Variants in AFF3 observed in about 807,000 individuals in gnomAD.
AFF3 encodes the protein ALF transcription elongation factor 3.
A neutral mutation model predicts 129.7 loss-of-function variants in AFF3; 32 were observed. The observed-to-expected ratio is 0.25, with a 90% CI of 0.19 to 0.33. AFF3 has a LOEUF of 0.33. AFF3 is among the 10% of genes least tolerant of loss of function. The pLI, the probability that AFF3 is intolerant of heterozygous loss-of-function variation, is 1.00. For synonymous variants in AFF3, 644 were observed against 635.4 expected (o/e 1.01, Z -0.20); for missense variants, 1,373 against 1,592.0 (o/e 0.86, Z 2.34).
chr2:99,947,477 TAGAC>T (rs927059050), intron 7 of AFF3, among the ~76,000 whole-genome samples: 4 of 106,798 alleles, frequency 3.7e-5, no homozygotes, highest in South Asian at 2.9e-4. Flanking sequence ...GAAAGACAGA[TAGAC>T]AGACAGAAAA....
intron 7 of AFF3, among the ~76,000 whole-genome samples, chr2:100,003,411 G>C (rs1472567629): frequency 1.3e-5 from 2 of 152,154 alleles, no homozygotes; most frequent in Non-Finnish European, 2.9e-5. Flanking sequence ...TTGGCTATTC[G>C]TTAGTCCCTG....
chr2:99,798,579 AT>A (rs1314038877), intron 8 of AFF3, among the ~76,000 whole-genome samples: 3 of 152,010 alleles, frequency 2.0e-5, no homozygotes, highest in African/African-American at 4.8e-5. Context: ...TACTGTAAGT[AT>A]AAGAAAAACC....
chr2:99,997,194 T>A (rs1025230630), intron 7 of AFF3, among the ~76,000 whole-genome samples: 1 of 152,158 alleles, frequency 6.6e-6, no homozygotes, highest in Non-Finnish European at 1.5e-5. Context: ...ACTCCAGACT[T>A]GTGGGTCACC....
intron 11 of AFF3, among the ~76,000 whole-genome samples, chr2:99,720,534 C>T (rs80145234): frequency 0.02 from 2,991 of 152,196 alleles, 90 homozygotes; most frequent in African/African-American, 0.066. Flanking sequence ...CCTGCAGAAC[C>T]GCGAGCTAAG....
chr2:99,763,202 T>A (rs1270344912), intron 8 of AFF3, among the ~76,000 whole-genome samples: 1 of 152,166 alleles, frequency 6.6e-6, no homozygotes, highest in Non-Finnish European at 1.5e-5. Flanking sequence ...AGACCCAACA[T>A]CCCCCTTTAA....
chr2:100,066,750 T>C (rs779338906), intron 4 of AFF3, among the ~76,000 whole-genome samples: 1 of 152,220 alleles, frequency 6.6e-6, no homozygotes, highest in Non-Finnish European at 1.5e-5. Context: ...ATCTTAGTTA[T>C]ATTGCTTTGA....
At chr2:99,554,261 T>G in intron 24 of AFF3, 50 bp downstream of exon 24, 3 of 1,598,708 alleles carry the variant, frequency 1.9e-6, no homozygotes, top group Non-Finnish European at 1.7e-6. Flanking sequence ...GAAGAATCGC[T>G]TGAACCCGGG....
rs1230469254 is a variant in AFF3 at position 99,649,617 on chromosome 2, A to G, written c.1184+9T>C. 1 of 1,613,792 alleles carries G rather than the reference A, an allele frequency of 6.2e-7. No individual in the cohort carries two copies. The highest frequency in any genetic ancestry group is 1.1e-5 in the South Asian group (1 of 90,930). On this transcript the variant is annotated intron_variant, in intron 13 of 24. Transcript: ENST00000672756. Reference sequence around the variant, plus strand: ...GCAATTTATAGTTCATAAAAATGACAAAATGTACCTGTCAGAGAGAGCGCG... The same window carrying G: ...GCAATTTATAGTTCATAAAAATGACGAAATGTACCTGTCAGAGAGAGCGCG...
chr2:99,997,833 G>A (rs561369269), intron 7 of AFF3, among the ~76,000 whole-genome samples: 2 of 152,254 alleles, frequency 1.3e-5, no homozygotes, highest in South Asian at 4.1e-4. Context: ...TCCCTGCCAT[G>A]TCTTCCTGGC....
At chr2:100,138,941 T>C (rs1331219345) in intron 1 of AFF3, among the ~76,000 whole-genome samples, 1 of 42,840 alleles carries the variant, frequency 2.3e-5, no homozygotes, top group Non-Finnish European at 4.1e-5. Flanking sequence ...CAAGACTCTG[T>C]CTCAAAAAAA....
At chr2:99,922,714 A>G (rs1695939115) in intron 7 of AFF3, among the ~76,000 whole-genome samples, 1 of 152,214 alleles carries the variant, frequency 6.6e-6, no homozygotes, top group Admixed American at 6.5e-5. Flanking sequence ...CCTCAAAGAA[A>G]GTAATACCGT....
At chr2:99,690,629 G>C (rs926711513) in intron 11 of AFF3, among the ~76,000 whole-genome samples, 1 of 152,066 alleles carries the variant, frequency 6.6e-6, no homozygotes, top group Non-Finnish European at 1.5e-5. Flanking sequence ...CGGTTGTATG[G>C]GTGCTTATGA....
intron 16 of AFF3, among the ~76,000 whole-genome samples, chr2:99,585,867 T>C (rs1009399571): frequency 3.3e-5 from 5 of 152,180 alleles, no homozygotes; most frequent in Non-Finnish European, 7.3e-5. Context: ...TAGCTGGGAC[T>C]ACAGGAGTGT....
intron 13 of AFF3, among the ~76,000 whole-genome samples, chr2:99,603,411 G>A (rs1325011824): frequency 1.3e-5 from 2 of 152,120 alleles, no homozygotes; most frequent in African/African-American, 4.8e-5. Flanking sequence ...ACGGTGCTGG[G>A]AGAACTGGCT....
chr2:99,759,466 G>A (rs1385878183), intron 8 of AFF3, among the ~76,000 whole-genome samples: 1 of 152,112 alleles, frequency 6.6e-6, no homozygotes, highest in African/African-American at 2.4e-5. Context: ...GTGGAGACTG[G>A]AACATCTTAC....
chr2:99,763,931 A>T (rs1178577323), intron 8 of AFF3, among the ~76,000 whole-genome samples: 4 of 152,204 alleles, frequency 2.6e-5, no homozygotes, highest in Non-Finnish European at 5.9e-5. Context: ...GACGCTGATT[A>T]ATCTACTTCA....
At position 100,004,450 on chromosome 2, in the gene AFF3, T is replaced by C. The variant is rs1573078236; in HGVS notation, c.873+2182A>G. Among the ~76,000 whole-genome samples the C allele has an allele frequency of 3.3e-5, 5 of 152,286 alleles. 1 individual carries two copies. Among genetic ancestry groups the C allele is most frequent in the Admixed American group, 3.3e-4 (5 of 15,296 alleles). On this transcript the variant is annotated intron_variant, in intron 7 of 24. Transcript: ENST00000672756. ...TTCTATGTTATGATTGTGAATTTTA[T>C]TTTTTTATTTATTTTTTGTAGAGAT...
intron 8 of AFF3, among the ~76,000 whole-genome samples, chr2:99,787,065 C>T (rs1051406171): frequency 6.6e-6 from 1 of 151,930 alleles, no homozygotes; most frequent in Non-Finnish European, 1.5e-5. Flanking sequence ...GCAAAAATGC[C>T]CTTGGCCTTT....
chr2:100,120,245 C>T (rs1691903269), intron 2 of AFF3, among the ~76,000 whole-genome samples: 1 of 152,226 alleles, frequency 6.6e-6, no homozygotes, highest in Admixed American at 6.5e-5. Flanking sequence ...TCCACAGGAT[C>T]TCTGACTGGA....
Sources: gnomAD v4.1 joint callset for allele counts (sites outside exome capture counted in the v4.1 genomes callset) on GRCh38, gnomAD v4.1.1 for gene constraint, MANE v1.5 for transcripts, NCBI Gene and HGNC (gene_info 2026-07-23, HGNC 2026-07-21) for gene names.